Variants in VAV1 observed in about 807,000 individuals in gnomAD.
VAV1 encodes the protein proto-oncogene vav.
In VAV1, 33 loss-of-function variants were observed where a neutral mutation model predicts 128.1. That is an observed-to-expected ratio of 0.26 (90% CI 0.20 to 0.34). VAV1 has a LOEUF of 0.34. VAV1 is among the 10% of genes least tolerant of loss of function. The pLI is 1.00. For synonymous variants in VAV1, 394 were observed against 409.8 expected (o/e 0.96, Z 0.47); for missense variants, 715 against 1,093.7 (o/e 0.65, Z 4.88).
chr19:6,775,389 C>T (rs1336250064), intron 1 of VAV1, among the ~76,000 whole-genome samples: 2 of 152,128 alleles, frequency 1.3e-5, no homozygotes, highest in Non-Finnish European at 2.9e-5. Flanking sequence ...GGATGAAGGA[C>T]GAGGGTGCAT....
intron 1 of VAV1, among the ~76,000 whole-genome samples, chr19:6,805,581 G>GACACACACACACAC (rs1320517035): frequency 4.4e-5 from 1 of 22,638 alleles, no homozygotes; most frequent in South Asian, 2.1e-3. Flanking sequence ...CATTTCTACA[G>GACACACACACACAC]ATACACACAC....
chr19:6,800,231 C>T (rs1233496012), intron 1 of VAV1, among the ~76,000 whole-genome samples: 1 of 151,948 alleles, frequency 6.6e-6, no homozygotes, highest in Non-Finnish European at 1.5e-5. Context: ...GGAAAACGTA[C>T]CAACTTTTCC....
Position 6,857,200 on chromosome 19 carries a change from G to T in VAV1, c.*93G>T. The stretch of plus-strand genomic sequence containing the variant: ...CCAGGGGCTGTGACAGCTCCCGGCG[G>T]GTGGAGACTTTGGGATGGACTGGAG... On this transcript the variant is annotated 3_prime_UTR_variant, in exon 27 of 27. Transcript: ENST00000602142. 6.4e-7 allele frequency: 1 copy of T among 1,564,600 alleles called. No homozygotes were observed. The highest frequency in any genetic ancestry group is 8.7e-7 in the Non-Finnish European group (1 of 1,150,746).
At position 6,821,838 on chromosome 19, in the gene VAV1, G is replaced by A; in HGVS notation, c.428G>A (p.Ser143Asn). Residue 143 changes from serine (S) to asparagine (N), a missense_variant, in exon 4 of 27, where the codon AGT becomes AAT. Coordinates refer to ENST00000602142, the MANE Select transcript of VAV1 (RefSeq NM_005428.4). ...AGTGTAGGTGATGAAGACATCTACA[G>A]TGGCCTGTCCGACCAGATCGAGTGA... ...EESVGDEDIY[S>N]GLSDQIDDTV... 1.2e-6 allele frequency: 2 copies of A among 1,614,176 alleles called. No homozygotes were observed. Among genetic ancestry groups the A allele is most frequent in the Non-Finnish European group, 1.7e-6 (2 of 1,180,020 alleles).
chr19:6,845,060 C>A (rs887949138), intron 22 of VAV1, among the ~76,000 whole-genome samples: 1 of 152,050 alleles, frequency 6.6e-6, no homozygotes, highest in African/African-American at 2.4e-5. Flanking sequence ...CCAACTCGAA[C>A]CAGATTTGCA....
chr19:6,844,063 CTTT>C (rs71177123), intron 22 of VAV1, among the ~76,000 whole-genome samples: 2 of 21,322 alleles, frequency 9.4e-5, no homozygotes, highest in Non-Finnish European at 1.1e-4. Context: ...TCTTCTTCTT[CTTT>C]TTTTTTTTTT....
chr19:6,793,383 A>G (rs998071645), intron 1 of VAV1, among the ~76,000 whole-genome samples: 1 of 152,084 alleles, frequency 6.6e-6, no homozygotes, highest in Non-Finnish European at 1.5e-5. Flanking sequence ...AAATGACCCC[A>G]AAAGCAGAGG....
At chr19:6,835,545 A>G (rs1216752222) in intron 19 of VAV1, among the ~76,000 whole-genome samples, 1 of 152,138 alleles carries the variant, frequency 6.6e-6, no homozygotes, top group Non-Finnish European at 1.5e-5. Flanking sequence ...CTACTCACCT[A>G]TCTCCCATAG....
In VAV1 at chr19:6,822,152, C is replaced by G. The variant is rs1971805961; in HGVS notation, c.450-69C>G. The G allele has an allele frequency of 6.8e-7, 1 of 1,461,940 alleles. No individual in the cohort carries two copies. Among genetic ancestry groups the G allele is most frequent in the Middle Eastern group, 2.4e-4 (1 of 4,220 alleles). 90.6% of individuals were successfully genotyped at this position (1,461,940 alleles called of 1,614,324 possible). Reference sequence around the variant, plus strand: ...AGTCTTGGGGGGACAAAGCCCTGCGCTGGGGTCTGCGGGGACCCTGCTGTG... The same window carrying G: ...AGTCTTGGGGGGACAAAGCCCTGCGGTGGGGTCTGCGGGGACCCTGCTGTG... On this transcript the variant is annotated intron_variant, in intron 4 of 26. Transcript: ENST00000602142. The surrounding 1 kb of genome is among the most constrained non-coding windows in gnomAD (Gnocchi z 5.9).
intron 26 of VAV1, among the ~76,000 whole-genome samples, chr19:6,854,523 G>C (rs1016891174): frequency 1.1e-4 from 16 of 151,964 alleles, no homozygotes; most frequent in Non-Finnish European, 2.1e-4. Flanking sequence ...GGCAAGCCTG[G>C]CTAAAATAGT....
chr19:6,847,847 G>A (rs935537254), intron 22 of VAV1, 151 bp from the exon 23 acceptor site: 13 of 573,990 alleles, frequency 2.3e-5, no homozygotes, highest in African/African-American at 3.9e-5. Flanking sequence ...GCCTCCACGG[G>A]GCCTACCTTG....
chr19:6,809,077 CTT>C (rs34550612), intron 1 of VAV1, among the ~76,000 whole-genome samples: 117,644 of 145,694 alleles, frequency 0.81, 48,249 homozygotes, highest in Non-Finnish European at 0.88. Flanking sequence ...ATCTACCTCT[CTT>C]TTTTTTTTTT....
intron 1 of VAV1, among the ~76,000 whole-genome samples, chr19:6,803,917 C>A (rs1971327505): frequency 6.6e-6 from 1 of 151,992 alleles, no homozygotes; most frequent in South Asian, 2.1e-4. Flanking sequence ...AGCTCTCAAG[C>A]CATGAAGAGA....
intron 1 of VAV1, among the ~76,000 whole-genome samples, chr19:6,798,461 A>C (rs893957693): frequency 7.2e-5 from 11 of 151,760 alleles, no homozygotes; most frequent in African/African-American, 2.7e-4. Context: ...GACCAGCCTC[A>C]TCTCTAATAA....
chr19:6,797,994 T>C (rs1413043595), intron 1 of VAV1, among the ~76,000 whole-genome samples: 1 of 151,502 alleles, frequency 6.6e-6, no homozygotes, highest in Non-Finnish European at 1.5e-5. Flanking sequence ...TTAAAATACA[T>C]TGGTGGGGCG....
At chr19:6,855,105 C>A (rs908241007) in intron 26 of VAV1, among the ~76,000 whole-genome samples, 7 of 152,144 alleles carry the variant, frequency 4.6e-5, no homozygotes, top group African/African-American at 1.7e-4. Context: ...AGGCAGAGCA[C>A]CTTCTTTATT....
intron 1 of VAV1, among the ~76,000 whole-genome samples, chr19:6,782,482 A>G (rs962981951): frequency 9.9e-5 from 15 of 152,242 alleles, no homozygotes; most frequent in Non-Finnish European, 2.2e-4. Context: ...TGAGTGCTAA[A>G]TGAACGAGAG....
Position 6,784,635 on chromosome 19 carries a change from A to G in VAV1, c.204+11624A>G, listed in dbSNP as rs554262870. On this transcript the variant is annotated intron_variant, in intron 1 of 26. Transcript: ENST00000602142. Reference sequence around the variant, plus strand: ...CAGCCTCCTGAGTAGCTGGGATTACAGGCAAGTGCCACCACACCTAGCTGA... The same window carrying G: ...CAGCCTCCTGAGTAGCTGGGATTACGGGCAAGTGCCACCACACCTAGCTGA... Among the ~76,000 whole-genome samples the G allele has an allele frequency of 3.4e-3, 524 of 152,048 alleles. 2 individuals carry two copies. The highest frequency in any genetic ancestry group is 0.012 in the African/African-American group (500 of 41,472).
intron 19 of VAV1, among the ~76,000 whole-genome samples, chr19:6,835,540 C>T (rs1324020413): frequency 6.6e-6 from 1 of 152,180 alleles, no homozygotes; most frequent in Non-Finnish European, 1.5e-5. Flanking sequence ...CACTGCTACT[C>T]ACCTATCTCC....
Sources: allele counts gnomAD v4.1 joint callset (sites outside exome capture counted in the v4.1 genomes callset), GRCh38; gene constraint gnomAD v4.1.1; non-coding constraint Gnocchi (gnomAD v3.1); transcripts MANE v1.5; gene names NCBI Gene and HGNC (gene_info 2026-07-23, HGNC 2026-07-21).